Variants in GNA14 observed in about 807,000 individuals in gnomAD.
GNA14 encodes the protein G protein subunit alpha 14.
Under a neutral mutation model 42.0 loss-of-function variants are expected in GNA14, and 50 were observed. The observed-to-expected ratio is 1.19, with a 90% CI of 0.95 to 1.51. GNA14 has a LOEUF of 1.51. Among genes scored for constraint, GNA14 ranks in the 40% most tolerant of loss-of-function variants. The pLI, the probability that GNA14 is intolerant of heterozygous loss-of-function variation, is 0.00. For synonymous variants in GNA14, 173 were observed against 163.1 expected, an observed-to-expected ratio of 1.06 and a Z score of -0.46; for missense variants, 473 against 446.2, an observed-to-expected ratio of 1.06 and a Z score of -0.54.
intron 2 of GNA14, among the ~76,000 whole-genome samples, chr9:77,501,721 T>TTTC (rs1836975938): frequency 6.7e-6 from 1 of 149,802 alleles, no homozygotes; most frequent in Admixed American, 6.6e-5. Flanking sequence ...TTCTTTTTTT[T>TTTC]TTTTTTTGAG....
At chr9:77,506,445 G>A (rs575355719) in intron 2 of GNA14, among the ~76,000 whole-genome samples, 5 of 152,264 alleles carry the variant, frequency 3.3e-5, no homozygotes, top group African/African-American at 7.2e-5. Context: ...TTGGGAGACC[G>A]AGGTGGGCAG....
At chr9:77,439,402 G>A (rs1311135847) in intron 2 of GNA14, among the ~76,000 whole-genome samples, 1 of 152,230 alleles carries the variant, frequency 6.6e-6, no homozygotes, top group Non-Finnish European at 1.5e-5. Flanking sequence ...ACTTTGGGAG[G>A]CCAAGGTGGG....
In GNA14 at chr9:77,567,950, T is replaced by C. The variant is rs77420230; in HGVS notation, c.125-38697A>G. ...GTATCTTGTTCTAAAATGATATTTA[T>C]TGACTTGCCTATGTTTGGCCCAAAA... On this transcript the variant is annotated intron_variant, in intron 1 of 6. Transcript: ENST00000341700. Among the ~76,000 whole-genome samples the C allele has an allele frequency of 2.6e-4, 39 of 152,354 alleles. No individual in the cohort carries two copies. In the East Asian group the frequency reaches 6.8e-3, roughly 26 times the overall value.
intron 2 of GNA14, among the ~76,000 whole-genome samples, chr9:77,489,501 G>A (rs1342243581): frequency 6.6e-6 from 1 of 152,220 alleles, no homozygotes; most frequent in Admixed American, 6.5e-5. Flanking sequence ...CAAAGGACAA[G>A]TGTGTCCGGA....
intron 3 of GNA14, among the ~76,000 whole-genome samples, chr9:77,433,900 C>G (rs1202933859): frequency 6.6e-6 from 1 of 152,202 alleles, no homozygotes; most frequent in Non-Finnish European, 1.5e-5. Context: ...GATGGGTCCA[C>G]GGCCCCGCTG....
chr9:77,605,475 G>A (rs373005343), intron 1 of GNA14, among the ~76,000 whole-genome samples: 1 of 152,088 alleles, frequency 6.6e-6, no homozygotes, highest in African/African-American at 2.4e-5. Context: ...CCCCAAACAG[G>A]TCATACAACC....
intron 2 of GNA14, among the ~76,000 whole-genome samples, chr9:77,464,226 C>T (rs1412616345): frequency 6.6e-6 from 1 of 152,154 alleles, no homozygotes; most frequent in Non-Finnish European, 1.5e-5. Flanking sequence ...GTCTTGAACT[C>T]CTGGCCTCAG....
chr9:77,570,361 C>T (rs1157216789), intron 1 of GNA14, among the ~76,000 whole-genome samples: 1 of 152,048 alleles, frequency 6.6e-6, no homozygotes, highest in Non-Finnish European at 1.5e-5. Context: ...GAAAGAAACC[C>T]CAAAAGAAAC....
intron 2 of GNA14, among the ~76,000 whole-genome samples, chr9:77,514,434 G>A (rs969442572): frequency 1.3e-4 from 20 of 152,066 alleles, no homozygotes; most frequent in African/African-American, 4.8e-4. Context: ...AGGTAAACCC[G>A]ACATGATTCC....
At chr9:77,506,111 ATAAT>A (rs1564034816) in intron 2 of GNA14, among the ~76,000 whole-genome samples, 2 of 151,754 alleles carry the variant, frequency 1.3e-5, no homozygotes, top group Admixed American at 6.6e-5. Flanking sequence ...CAAAAAAAAA[ATAAT>A]TAAATCAACA....
chr9:77,587,467 C>T (rs955705618), intron 1 of GNA14, among the ~76,000 whole-genome samples: 3 of 152,088 alleles, frequency 2.0e-5, no homozygotes, highest in Non-Finnish European at 4.4e-5. Context: ...TATTATTCAG[C>T]CATAAAAGGA....
chr9:77,637,324 A>G (rs762914651), intron 1 of GNA14, among the ~76,000 whole-genome samples: 1 of 152,086 alleles, frequency 6.6e-6, no homozygotes, highest in Non-Finnish European at 1.5e-5. Context: ...GACTCTCGTT[A>G]TAATAGACTC....
chr9:77,644,140 C>T (rs1250278493), intron 1 of GNA14, among the ~76,000 whole-genome samples: 2 of 151,966 alleles, frequency 1.3e-5, no homozygotes, highest in Non-Finnish European at 2.9e-5. Context: ...ATGAGTGGGG[C>T]CCTAATAAAA....
intron 1 of GNA14, among the ~76,000 whole-genome samples, chr9:77,554,144 C>T (rs539546204): frequency 1.1e-4 from 17 of 152,234 alleles, no homozygotes; most frequent in East Asian, 9.7e-4. Flanking sequence ...ATCTGGGAAA[C>T]GGGAATGGTA....
chr9:77,482,421 ATCTC>A (rs1160934833), intron 2 of GNA14, among the ~76,000 whole-genome samples: 1 of 151,904 alleles, frequency 6.6e-6, no homozygotes, highest in Non-Finnish European at 1.5e-5. Context: ...CTGTCGAGAG[ATCTC>A]TCTTAGTCTG....
At chr9:77,480,309 C>T (rs1240986340) in intron 2 of GNA14, among the ~76,000 whole-genome samples, 3 of 152,154 alleles carry the variant, frequency 2.0e-5, no homozygotes, top group Non-Finnish European at 2.9e-5. Flanking sequence ...TTGAGATAAT[C>T]ATGTGGTTTT....
chr9:77,610,443 G>A (rs1209510735), intron 1 of GNA14, among the ~76,000 whole-genome samples: 2 of 152,164 alleles, frequency 1.3e-5, no homozygotes, highest in African/African-American at 4.8e-5. Flanking sequence ...AAATGTTGAA[G>A]AGACAGAGGC....
intron 1 of GNA14, among the ~76,000 whole-genome samples, chr9:77,622,682 T>A (rs1327721080): frequency 6.8e-6 from 1 of 146,836 alleles, no homozygotes. Context: ...GTCAGGAGAT[T>A]GAGACCATCC....
At chr9:77,527,531 T>C (rs1219050153) in intron 2 of GNA14, among the ~76,000 whole-genome samples, 1 of 152,222 alleles carries the variant, frequency 6.6e-6, no homozygotes, top group Non-Finnish European at 1.5e-5. Flanking sequence ...TTAGCGTTAG[T>C]GTGTTTAATG....
Sources: gnomAD v4.1 joint callset for allele counts (sites outside exome capture counted in the v4.1 genomes callset) on GRCh38, gnomAD v4.1.1 for gene constraint, MANE v1.5 for transcripts, NCBI Gene and HGNC (gene_info 2026-07-23, HGNC 2026-07-21) for gene names.